TUFM: variants seen among roughly 807,000 people sequenced by gnomAD.
TUFM encodes the protein Tu translation elongation factor, mitochondrial, also known as elongation factor Tu, mitochondrial.
Under a neutral mutation model 45.0 loss-of-function variants are expected in TUFM, and 23 were observed. The ratio of observed to expected loss-of-function variants is 0.51; its 90% CI spans 0.37 to 0.72. The LOEUF (loss-of-function observed/expected upper bound fraction) is 0.72, where lower values mean the gene tolerates loss of function less well. Among genes scored for constraint, TUFM ranks in the 30% least tolerant of loss-of-function variants. The probability of loss-of-function intolerance (pLI) is 0.00; values close to 1 mark genes in which losing one functional copy is unlikely to be tolerated. For synonymous variants in TUFM, 243 were observed against 252.9 expected (o/e 0.96, Z 0.37); for missense variants, 490 against 610.7 (o/e 0.80, Z 2.08).
chr16:28,845,113 A>G (rs1596603419), intron 3 of TUFM, 58 bp from the exon 4 acceptor site: 1 of 1,595,028 alleles, frequency 6.3e-7, no homozygotes. Flanking sequence ...GTTCACATCC[A>G]TATAGCCAAG....
chr16:28,846,131 A>G (rs1479234467), intron 1 of TUFM, 25 bp from the exon 2 acceptor site: 2 of 1,612,648 alleles, frequency 1.2e-6, no homozygotes, highest in Admixed American at 3.3e-5. Flanking sequence ...GCTTGGAGTC[A>G]GGCAGGGAAG....
In TUFM at chr16:28,845,039, G is replaced by A; in HGVS notation, c.431C>T (p.Thr144Ile). ...CAGGATGCAGCCGTCGAGGGGTGCA[G>A]TGCCTGTGATCATATTCTGGAGAGG... ...ADYVKNMITG[T>I]APLDGCILVV... The change falls in exon 4 of 10, where the codon ACT (threonine) becomes ATT (isoleucine). Residue 144 changes from threonine (T) to isoleucine (I), a missense_variant. Transcript: ENST00000313511. 2 of 1,614,158 alleles carry A rather than the reference G, an allele frequency of 1.2e-6. No homozygotes were observed. The highest frequency in any genetic ancestry group is 1.1e-5 in the South Asian group (1 of 91,080).
At position 28,843,919 on chromosome 16, in the gene TUFM, A is replaced by T. The variant is rs756076573; in HGVS notation, c.1074+31T>A. The T allele has an allele frequency of 9.3e-6, 15 of 1,613,940 alleles. No individual in the cohort carries two copies. In the Admixed American group the frequency reaches 2.3e-4, roughly 25 times the overall value. ...CTGGAGGCTGGGGAGAGCTTGGCTCAACCCTGCCCACCGTCACCTGGAGCC... is the reference window on the plus strand; with the variant it reads ...CTGGAGGCTGGGGAGAGCTTGGCTCTACCCTGCCCACCGTCACCTGGAGCC... On this transcript the variant is annotated intron_variant, in intron 8 of 9. Transcript: ENST00000313511.
chr16:28,846,097 G>C lies in TUFM; in HGVS notation c.62C>G (p.Ala21Gly). Residue 21 changes from alanine to glycine, a missense_variant, in exon 2 of 10, where the codon GCC becomes GGC. Ala to Gly is a moderately conservative substitution (Grantham distance 60, BLOSUM62 0). Transcript: ENST00000313511. ...RATPHFSGLA[A>G]GRTFLLQGLL... ...ACCCTGCAGCAGGAAGGTCCGGCCGGCGGCGAGACCTGCCGGGACCGAAGC... is the reference window on the plus strand; with the variant it reads ...ACCCTGCAGCAGGAAGGTCCGGCCGCCGGCGAGACCTGCCGGGACCGAAGC... The C allele has an allele frequency of 6.2e-7, 1 of 1,613,558 alleles. No homozygotes were observed.
chr16:28,845,344 T>G lies in TUFM; in HGVS notation c.384A>C (p.Thr128=). The G allele has an allele frequency of 1.2e-6, 2 of 1,614,166 alleles. No homozygotes were observed. Among genetic ancestry groups the G allele is most frequent in the Non-Finnish European group, 1.7e-6 (2 of 1,180,028 alleles). Reference sequence around the variant, plus strand: ...CATAATCTGCATGACCCGGGCAGTCTGTGTGGGCGTAGTGGCGGGCGGCAG... The same window carrying G: ...CATAATCTGCATGACCCGGGCAGTCGGTGTGGGCGTAGTGGCGGGCGGCAG... ...YSTAARHYAH[T]DCPGHADYVK... The change falls in exon 3 of 10, where the codon ACA becomes ACC. Residue 128 remains threonine, a synonymous_variant. Coordinates refer to ENST00000313511, the MANE Select transcript of TUFM (RefSeq NM_003321.5).
chr16:28,845,837 T>C, intron 2 of TUFM, 75 bp downstream of exon 2: 2 of 1,579,490 alleles, frequency 1.3e-6, no homozygotes, highest in Non-Finnish European at 1.7e-6. Context: ...CAGCAGACAC[T>C]CTGCTGGCCT....
Position 28,844,322 on chromosome 16 carries a change from A to G in TUFM, c.830T>C (p.Val277Ala), listed in dbSNP as rs1961875802. The G allele has an allele frequency of 6.2e-7, 1 of 1,614,146 alleles. No individual in the cohort carries two copies. Among genetic ancestry groups the G allele is most frequent in the Non-Finnish European group, 8.5e-7 (1 of 1,180,036 alleles). ...GCCACGCTCTAGTGTACCTGTCACC[A>G]CGGTGCCACGGCCTGGGAGGGAATA... ...AVYSVPGRGTVVTGTLERGIL... is the reference protein window; with the variant it reads ...AVYSVPGRGTAVTGTLERGIL... The change falls in exon 7 of 10, where the codon GTG becomes GCG. Residue 277 changes from valine (V) to alanine (A), a missense_variant. Coordinates refer to ENST00000313511, the MANE Select transcript of TUFM (RefSeq NM_003321.5). This position sits in a 1 kb window ranked among gnomAD's most constrained non-coding sequence, Gnocchi z 5.8.
chr16:28,846,069 C>T lies in TUFM; in HGVS notation c.90G>A (p.Leu30=), dbSNP rs139587300. ...AAGRTFLLQG[L]LRLLKAPALP... ...ATGCCGGGGCTTTCAGCAGCCGCAA[C>T]AGACCCTGCAGCAGGAAGGTCCGGC... Residue 30 remains leucine, a synonymous_variant, in exon 2 of 10, where the codon CTG becomes CTA. Coordinates refer to ENST00000313511, the MANE Select transcript of TUFM (RefSeq NM_003321.5). 1.2e-6 allele frequency: 2 copies of T among 1,613,702 alleles called. No homozygotes were observed. Among genetic ancestry groups the T allele is most frequent in the African/African-American group, 2.7e-5 (2 of 74,952 alleles).
chr16:28,844,873 CAG>C lies in TUFM; in HGVS notation c.520-13_520-12del. On this transcript the variant is annotated splice_polypyrimidine_tract_variant and intron_variant, in intron 4 of 9. Transcript: ENST00000313511. The surrounding 1 kb of genome is among the most constrained non-coding windows in gnomAD (Gnocchi z 5.8). Reference sequence around the variant, plus strand: ...ATGCTCCACCCCAATCTGTAGATGCCAGAGAGACAGGGACAATATACAGAGGG... The same window carrying C: ...ATGCTCCACCCCAATCTGTAGATGCCAGAGACAGGGACAATATACAGAGGG... The C allele has an allele frequency of 6.2e-7, 1 of 1,614,128 alleles. No individual in the cohort carries two copies. The highest frequency in any genetic ancestry group is 8.5e-7 in the Non-Finnish European group (1 of 1,180,024).
In TUFM at chr16:28,846,281, G is replaced by A. The variant is rs1316989536; in HGVS notation, c.-12C>T. The A allele has an allele frequency of 6.4e-7, 1 of 1,552,500 alleles. No homozygotes were observed. On this transcript the variant is annotated 5_prime_UTR_variant, in exon 1 of 10. Coordinates refer to ENST00000313511, the MANE Select transcript of TUFM (RefSeq NM_003321.5). ...GCCATTGTGGTCATACTCGCGCCCC[G>A]GTAACCGGGGAGCCGGGACCAGGAG...
In TUFM at chr16:28,846,089, T is replaced by C; in HGVS notation, c.70A>G (p.Thr24Ala). Reference sequence around the variant, plus strand: ...CGCAACAGACCCTGCAGCAGGAAGGTCCGGCCGGCGGCGAGACCTGCCGGG... The same window carrying C: ...CGCAACAGACCCTGCAGCAGGAAGGCCCGGCCGGCGGCGAGACCTGCCGGG... ...PHFSGLAAGR[T>A]FLLQGLLRLL... The change falls in exon 2 of 10, where the codon ACC (threonine) becomes GCC (alanine). Residue 24 changes from threonine to alanine, a missense_variant. Coordinates refer to ENST00000313511, the MANE Select transcript of TUFM (RefSeq NM_003321.5). The C allele has an allele frequency of 6.2e-7, 1 of 1,613,448 alleles. No individual in the cohort carries two copies. The highest frequency in any genetic ancestry group is 1.1e-5 in the South Asian group (1 of 91,070).
At position 28,844,285 on chromosome 16, in the gene TUFM, C is replaced by G. The variant is rs150112464; in HGVS notation, c.867G>C (p.Lys289Asn). ...TGTLERGILK[K>N]GDECELLGHS... ...GTCCTAGGAGCTCACACTCGTCTCC[C>G]TTCTTTAAAATGCCACGCTCTAGTG... is the stretch of plus-strand genomic sequence containing the variant. The change falls in exon 7 of 10, where the codon AAG (lysine) becomes AAC (asparagine). Residue 289 changes from lysine (K) to asparagine (N), a missense_variant. Lys to Asn is a moderately conservative substitution (Grantham distance 94, BLOSUM62 0). Transcript: ENST00000313511. The surrounding 1 kb of genome is among the most constrained non-coding windows in gnomAD (Gnocchi z 5.8). The G allele has an allele frequency of 1.9e-6, 3 of 1,614,078 alleles. No homozygotes were observed. The highest frequency in any genetic ancestry group is 2.5e-6 in the Non-Finnish European group (3 of 1,180,054).
Position 28,844,237 on chromosome 16 carries a change from C to T in TUFM, c.915G>A (p.Val305=). 4 of 1,614,122 alleles carry T rather than the reference C, an allele frequency of 2.5e-6. No homozygotes were observed. Among genetic ancestry groups the T allele is most frequent in the Non-Finnish European group, 3.4e-6 (4 of 1,180,006 alleles). ...LLGHSKNIRT[V]VTGIEMFHKS... ...CAGACTGGCTTCCCAAACCTGTCAC[C>T]ACAGTGCGGATGTTCTTGCTATGTC... Residue 305 remains valine, a synonymous_variant, in exon 7 of 10, where the codon GTG becomes GTA. Coordinates refer to ENST00000313511, the MANE Select transcript of TUFM (RefSeq NM_003321.5). The surrounding 1 kb of genome is among the most constrained non-coding windows in gnomAD (Gnocchi z 5.8).
Position 28,842,505 on chromosome 16 carries a change from G to T in TUFM, c.*470C>A, listed in dbSNP as rs997083243. The T allele has an allele frequency of 2.2e-5, 5 of 228,502 alleles. No individual in the cohort carries two copies. Among genetic ancestry groups the T allele is most frequent in the Non-Finnish European group, 4.4e-5 (5 of 113,648 alleles). The allele number at this position is 228,502 out of a possible 1,614,324, so 14.2% of individuals were successfully genotyped here. ...TCCCTGTTCCCACAGAATGTGAATGGATGCTAGACATTCACTTAGTATTCC... is the reference window on the plus strand; with the variant it reads ...TCCCTGTTCCCACAGAATGTGAATGTATGCTAGACATTCACTTAGTATTCC... On this transcript the variant is annotated 3_prime_UTR_variant, in exon 10 of 10. Coordinates refer to ENST00000313511, the MANE Select transcript of TUFM (RefSeq NM_003321.5).
In TUFM at chr16:28,846,081, C is replaced by G. The variant is rs927205059; in HGVS notation, c.78G>C (p.Leu26=). 6.2e-7 allele frequency: 1 copy of G among 1,613,756 alleles called. No homozygotes were observed. Among genetic ancestry groups the G allele is most frequent in the Non-Finnish European group, 8.5e-7 (1 of 1,179,942 alleles). Residue 26 remains leucine, a synonymous_variant, in exon 2 of 10, where the codon CTG becomes CTC. Coordinates refer to ENST00000313511, the MANE Select transcript of TUFM (RefSeq NM_003321.5). ...FSGLAAGRTF[L]LQGLLRLLKA... is the part of the protein sequence containing the mutation. ...TCAGCAGCCGCAACAGACCCTGCAG[C>G]AGGAAGGTCCGGCCGGCGGCGAGAC... is the stretch of plus-strand genomic sequence containing the variant.
intron 2 of TUFM, 81 bp downstream of exon 2, chr16:28,845,831 A>C: frequency 3.8e-6 from 6 of 1,560,400 alleles, no homozygotes; most frequent in Non-Finnish European, 5.3e-6. Flanking sequence ...CTCCTCCAGC[A>C]GACACTCTGC....
In TUFM at chr16:28,842,648, A is replaced by G; in HGVS notation, c.*327T>C. On this transcript the variant is annotated 3_prime_UTR_variant, in exon 10 of 10. Transcript: ENST00000313511. ...TAACGGCATCCTACTGTGTCTAGGC[A>G]ATCACTAAGCTCACTGGACTTGATT... 2.5e-6 allele frequency: 1 copy of G among 394,598 alleles called. No homozygotes were observed. Among genetic ancestry groups the G allele is most frequent in the Non-Finnish European group, 4.8e-6 (1 of 207,930 alleles). 24.4% of individuals were successfully genotyped at this position (394,598 alleles called of 1,614,324 possible). A position where few individuals can be genotyped will look rare whatever the true frequency, so the allele number is the denominator to read the frequency against.
rs368391510 is a variant in TUFM at position 28,844,324 on chromosome 16, G to T, written c.828C>A (p.Thr276=). The change falls in exon 7 of 10, where the codon ACC becomes ACA. Residue 276 remains threonine (T), a synonymous_variant. Transcript: ENST00000313511. The surrounding 1 kb of genome is among the most constrained non-coding windows in gnomAD (Gnocchi z 5.8). ...CACGCTCTAGTGTACCTGTCACCAC[G>T]GTGCCACGGCCTGGGAGGGAATAAG... is the stretch of plus-strand genomic sequence containing the variant. ...EAVYSVPGRG[T]VVTGTLERGI... The T allele has an allele frequency of 1.1e-5, 18 of 1,614,128 alleles. No individual in the cohort carries two copies. Among genetic ancestry groups the T allele is most frequent in the Non-Finnish European group, 1.5e-5 (18 of 1,180,020 alleles).
rs2152148109 is a variant in TUFM at position 28,846,065 on chromosome 16, G to A, written c.94C>T (p.Arg32Trp). 1 of 1,613,714 alleles carries A rather than the reference G, an allele frequency of 6.2e-7. No homozygotes were observed. Among genetic ancestry groups the A allele is most frequent in the East Asian group, 2.2e-5 (1 of 44,872 alleles). ...GGCAATGCCGGGGCTTTCAGCAGCC[G>A]CAACAGACCCTGCAGCAGGAAGGTC... ...GRTFLLQGLL[R>W]LLKAPALPLL... Residue 32 changes from arginine to tryptophan, a missense_variant, in exon 2 of 10, where the codon CGG becomes TGG. Physicochemically the swap from Arg to Trp is moderately radical, Grantham distance 101. Transcript: ENST00000313511.
Sources: gnomAD v4.1 joint callset for allele counts on GRCh38, gnomAD v4.1.1 for gene constraint, Gnocchi (gnomAD v3.1) non-coding constraint, MANE v1.5 for transcripts, NCBI Gene and HGNC (gene_info 2026-07-23, HGNC 2026-07-21) for gene names.